Variants in STK38L observed in about 807,000 individuals in gnomAD.
STK38L encodes the protein serine/threonine-protein kinase 38-like.
STK38L carries 28 observed loss-of-function variants against 59.7 expected under a neutral mutation model. The ratio of observed to expected loss-of-function variants is 0.47; its 90% CI spans 0.35 to 0.64. STK38L has a LOEUF of 0.64. Ranked by LOEUF, STK38L falls within the 30% of genes least tolerant of loss-of-function variation. STK38L has a pLI of 0.01. For synonymous variants in STK38L, 162 were observed against 176.8 expected, an observed-to-expected ratio of 0.92 and a Z score of 0.66; for missense variants, 314 against 555.8, an observed-to-expected ratio of 0.56 and a Z score of 4.37.
rs1386715230 is a variant in STK38L, at chr12:27,312,679, G to A, written c.517+7G>A. ...ATGGAATTTCTCCCTGGAGGTAAAA[G>A]CAAACATTGTATCAATGACAGACTG... On this transcript the variant is annotated splice_region_variant and intron_variant, in intron 6 of 13. Transcript: ENST00000389032. The A allele has an allele frequency of 6.2e-7, 1 of 1,613,542 alleles. No homozygotes were observed. Among genetic ancestry groups the A allele is most frequent in the Non-Finnish European group, 8.5e-7 (1 of 1,179,810 alleles).
intron 1 of STK38L, among the ~76,000 whole-genome samples, chr12:27,268,102 T>C (rs966054467): frequency 2.0e-5 from 3 of 152,234 alleles, no homozygotes; most frequent in Non-Finnish European, 4.4e-5. Context: ...TGGCTTATTT[T>C]TCATTCTGTG....
chr12:27,262,474 C>A (rs559901197), intron 1 of STK38L, among the ~76,000 whole-genome samples: 185 of 152,168 alleles, frequency 1.2e-3, no homozygotes, highest in Non-Finnish European at 2.1e-3. Context: ...TAAAACATTA[C>A]ATTTTCCATG....
chr12:27,284,647 C>T (rs1206266125), intron 1 of STK38L, among the ~76,000 whole-genome samples: 1 of 152,192 alleles, frequency 6.6e-6, no homozygotes, highest in African/African-American at 2.4e-5. Flanking sequence ...TGATGACAAC[C>T]AACTATACAA....
At chr12:27,246,431 A>G (rs575141955) in intron 1 of STK38L, among the ~76,000 whole-genome samples, 1 of 152,248 alleles carries the variant, frequency 6.6e-6, no homozygotes, top group East Asian at 1.9e-4. Flanking sequence ...ATTTTATGTA[A>G]ATAGTGTCAG....
intron 1 of STK38L, among the ~76,000 whole-genome samples, chr12:27,273,380 A>G (rs1339908850): frequency 6.6e-6 from 1 of 152,114 alleles, no homozygotes; most frequent in Non-Finnish European, 1.5e-5. Context: ...GAAGAGTCCT[A>G]GGCTAATGAG....
intron 12 of STK38L, among the ~76,000 whole-genome samples, chr12:27,320,442 ATTTTTTTT>A (rs34281958): frequency 1.1e-4 from 10 of 91,902 alleles, no homozygotes; most frequent in Non-Finnish European, 9.8e-5. Context: ...AATTTTGTTG[ATTTTTTTT>A]TTTTTTTTTT....
At chr12:27,280,974 C>T (rs565365265) in intron 1 of STK38L, among the ~76,000 whole-genome samples, 11 of 150,882 alleles carry the variant, frequency 7.3e-5, no homozygotes, top group Non-Finnish European at 1.6e-4. Flanking sequence ...TTAAGATTTA[C>T]TAAGAATAAA....
chr12:27,303,990 A>G (rs377554544), intron 3 of STK38L, among the ~76,000 whole-genome samples: 7 of 152,194 alleles, frequency 4.6e-5, no homozygotes, highest in South Asian at 2.1e-4. Context: ...TGCTGAGTGC[A>G]GTGGCACACA....
chr12:27,251,847 C>T (rs1002220661), intron 1 of STK38L, among the ~76,000 whole-genome samples: 1 of 152,116 alleles, frequency 6.6e-6, no homozygotes, highest in Non-Finnish European at 1.5e-5. Flanking sequence ...TATTGTCTAT[C>T]TCATTGTGCA....
chr12:27,280,759 A>G (rs1943636510), intron 1 of STK38L, among the ~76,000 whole-genome samples: 1 of 152,268 alleles, frequency 6.6e-6, no homozygotes, highest in South Asian at 2.1e-4. Context: ...TGAAGACAGC[A>G]TAAGATAGAC....
At chr12:27,264,552 C>T (rs1287455534) in intron 1 of STK38L, among the ~76,000 whole-genome samples, 1 of 152,082 alleles carries the variant, frequency 6.6e-6, no homozygotes, top group Non-Finnish European at 1.5e-5. Flanking sequence ...GTTCTGCATC[C>T]ACTGATTCAA....
In STK38L at chr12:27,315,008, T is replaced by C; in HGVS notation, c.673-7T>C. On this transcript the variant is annotated splice_region_variant and splice_polypyrimidine_tract_variant and intron_variant, in intron 7 of 13. Coordinates refer to ENST00000389032, the MANE Select transcript of STK38L (RefSeq NM_015000.4). ...ATATGATCTAATTTTACTGGATTTTTTTTTAGGGTCATGTAAAATTATCTG... is the reference window on the plus strand; with the variant it reads ...ATATGATCTAATTTTACTGGATTTTCTTTTAGGGTCATGTAAAATTATCTG... The C allele has an allele frequency of 1.3e-6, 2 of 1,594,722 alleles. No homozygotes were observed. Among genetic ancestry groups the C allele is most frequent in the African/African-American group, 2.7e-5 (2 of 74,090 alleles).
intron 1 of STK38L, among the ~76,000 whole-genome samples, chr12:27,272,334 A>T (rs1943441101): frequency 6.6e-6 from 1 of 152,206 alleles, no homozygotes; most frequent in Non-Finnish European, 1.5e-5. Context: ...TACTGAGGTG[A>T]TCTGCTGTAT....
intron 12 of STK38L, among the ~76,000 whole-genome samples, chr12:27,321,182 TA>T (rs1204550330): frequency 6.6e-6 from 1 of 152,156 alleles, no homozygotes; most frequent in Non-Finnish European, 1.5e-5. Flanking sequence ...ATAATTCTGG[TA>T]AAAAATATAT....
At chr12:27,280,838 C>T (rs1184126846) in intron 1 of STK38L, among the ~76,000 whole-genome samples, 4 of 152,174 alleles carry the variant, frequency 2.6e-5, no homozygotes, top group African/African-American at 7.2e-5. Flanking sequence ...CTTTAAAAAG[C>T]GTACAGAGCT....
rs1943651204 is a variant in STK38L at position 27,281,248 on chromosome 12, G to C, written c.-11-16462G>C. Among the ~76,000 whole-genome samples, 2 of 29,652 alleles carry C rather than the reference G, an allele frequency of 6.7e-5. 1 individual carries two copies. The highest frequency in any genetic ancestry group is 2.4e-4 in the African/African-American group (2 of 8,358). The allele number at this position is 29,652 out of a possible 152,430, so 19.5% of individuals were successfully genotyped here. A position where few individuals can be genotyped will look rare whatever the true frequency, so the allele number is the denominator to read the frequency against. ...CTACAGGCGCGCGCCACTACGCCCG[G>C]CTAATTTTTTGTATTTTTAGTAGAG... On this transcript the variant is annotated intron_variant, in intron 1 of 13. Transcript: ENST00000389032.
At chr12:27,316,218 T>C (rs1400652221) in intron 9 of STK38L, among the ~76,000 whole-genome samples, 1 of 152,224 alleles carries the variant, frequency 6.6e-6, no homozygotes, top group Non-Finnish European at 1.5e-5. Flanking sequence ...CTGCAAAAAC[T>C]TGTAAAACAT....
At chr12:27,313,544 G>T (rs1299865889) in intron 6 of STK38L, among the ~76,000 whole-genome samples, 3 of 151,964 alleles carry the variant, frequency 2.0e-5, no homozygotes, top group Non-Finnish European at 4.4e-5. Flanking sequence ...ACCATGCCCA[G>T]CTAATTTTTT....
At chr12:27,254,133 G>T (rs1297118187) in intron 1 of STK38L, among the ~76,000 whole-genome samples, 1 of 152,204 alleles carries the variant, frequency 6.6e-6, no homozygotes, top group Non-Finnish European at 1.5e-5. Context: ...TGTATAAAGA[G>T]AATGCTGCAT....
Sources: allele counts gnomAD v4.1 joint callset (sites outside exome capture counted in the v4.1 genomes callset), GRCh38; gene constraint gnomAD v4.1.1; transcripts MANE v1.5; gene names NCBI Gene and HGNC (gene_info 2026-07-23, HGNC 2026-07-21).